The following JAM3 variants were observed in gnomAD, a reference collection of about 807,000 sequenced individuals.
JAM3 encodes junctional adhesion molecule C.
In JAM3, 31 loss-of-function variants were observed where a neutral mutation model predicts 39.4. The observed-to-expected ratio is 0.79, with a 90% CI of 0.59 to 1.06. The LOEUF is 1.06. Among genes scored for constraint, JAM3 ranks in the 50% least tolerant of loss-of-function variants. The pLI, the probability that JAM3 is intolerant of heterozygous loss-of-function variation, is 0.00. For missense variants in JAM3, 455 were observed against 391.4 expected, an observed-to-expected ratio of 1.16 and a Z score of -1.37; for synonymous variants, 182 against 148.7, an observed-to-expected ratio of 1.22 and a Z score of -1.63.
intron 1 of JAM3, among the ~76,000 whole-genome samples, chr11:134,126,829 C>A (rs753646622): frequency 3.9e-5 from 6 of 152,204 alleles, no homozygotes; most frequent in Non-Finnish European, 8.8e-5. Context: ...CACTCTAAAT[C>A]CCACTGATTA....
chr11:134,117,627 C>G (rs1239349686), intron 1 of JAM3, among the ~76,000 whole-genome samples: 1 of 152,170 alleles, frequency 6.6e-6, no homozygotes, highest in African/African-American at 2.4e-5. Flanking sequence ...ACATGTTAAA[C>G]CTAAAGCCCA....
In JAM3 at chr11:134,103,232, T is replaced by G. The variant is rs535941388; in HGVS notation, c.76+34073T>G. On this transcript the variant is annotated intron_variant, in intron 1 of 8. Transcript: ENST00000299106. ...TCAACATTCTTAAAGAAAAGAATTT[T>G]CAACCCAGAATTTCATATCCAGCCA... 2.0e-5 allele frequency among the ~76,000 whole-genome samples: 3 copies of G among 152,282 alleles called. No individual in the cohort carries two copies. In the South Asian group the frequency reaches 6.2e-4, roughly 32 times the overall value.
Position 134,150,828 on chromosome 11 carries a change from T to G in JAM3, c.*1647T>G, listed in dbSNP as rs1437574124. ...CATTTCAAAACAAACCATGATGGAGTGGCGGCCAGTCCAGCCTTTTAAAGA... is the reference window on the plus strand; with the variant it reads ...CATTTCAAAACAAACCATGATGGAGGGGCGGCCAGTCCAGCCTTTTAAAGA... On this transcript the variant is annotated 3_prime_UTR_variant, in exon 9 of 9. Transcript: ENST00000299106. The G allele has an allele frequency of 6.6e-6, 1 of 151,636 alleles. No homozygotes were observed. Among genetic ancestry groups the G allele is most frequent in the Non-Finnish European group, 1.5e-5 (1 of 67,890 alleles). The allele number at this position is 151,636 out of a possible 1,614,324, so 9.4% of individuals were successfully genotyped here. A position where few individuals can be genotyped will look rare whatever the true frequency, so the allele number is the denominator to read the frequency against.
chr11:134,121,109 A>G (rs748590577), intron 1 of JAM3, among the ~76,000 whole-genome samples: 2 of 152,210 alleles, frequency 1.3e-5, no homozygotes, highest in African/African-American at 4.8e-5. Flanking sequence ...GGGACAGTGC[A>G]GATCCAGACC....
intron 1 of JAM3, among the ~76,000 whole-genome samples, chr11:134,115,714 T>G (rs1403642147): frequency 1.3e-5 from 2 of 151,488 alleles, no homozygotes; most frequent in Non-Finnish European, 2.9e-5. Context: ...CCAGCCTGGG[T>G]AACATGTGAG....
At chr11:134,105,252 C>A (rs962819055) in intron 1 of JAM3, among the ~76,000 whole-genome samples, 2 of 152,150 alleles carry the variant, frequency 1.3e-5, no homozygotes, top group African/African-American at 2.4e-5. Flanking sequence ...AAGACAAAAA[C>A]CACATGATTA....
At chr11:134,117,551 C>G (rs1450157283) in intron 1 of JAM3, among the ~76,000 whole-genome samples, 1 of 152,158 alleles carries the variant, frequency 6.6e-6, no homozygotes, top group Non-Finnish European at 1.5e-5. Context: ...ACCACCACCC[C>G]TTCCACTTTC....
At chr11:134,125,425 A>C (rs1031622725) in intron 1 of JAM3, among the ~76,000 whole-genome samples, 1 of 152,136 alleles carries the variant, frequency 6.6e-6, no homozygotes, top group Admixed American at 6.6e-5. Flanking sequence ...TTTCGTACAG[A>C]TCCTCTTCCC....
Position 134,140,749 on chromosome 11 carries a change from T to A in JAM3, c.235T>A (p.Phe79Ile). The part of the protein sequence containing the change: ...KIQDEQTTYV[F>I]FDNKIQGDLA... ...TCAAGATGAACAAACCACATATGTG[T>A]TTTTTGACAACAAAATTCAGGGTAT... is the stretch of plus-strand genomic sequence containing the variant. The change falls in exon 3 of 9, where the codon TTT becomes ATT. Residue 79 changes from phenylalanine (F) to isoleucine (I), a missense_variant. Phe to Ile is a conservative substitution (Grantham distance 21, BLOSUM62 0). Transcript: ENST00000299106. The A allele has an allele frequency of 6.2e-7, 1 of 1,613,384 alleles. No homozygotes were observed. The highest frequency in any genetic ancestry group is 1.1e-5 in the South Asian group (1 of 91,060).
At position 134,113,393 on chromosome 11, in the gene JAM3, C is replaced by T. The variant is rs570387666; in HGVS notation, c.77-26458C>T. Among the ~76,000 whole-genome samples, 192 of 152,232 alleles carry T rather than the reference C, an allele frequency of 1.3e-3. 2 individuals are homozygous for T. Among genetic ancestry groups the T allele is most frequent in the African/African-American group, 4.4e-3 (182 of 41,542 alleles). On this transcript the variant is annotated intron_variant, in intron 1 of 8. Transcript: ENST00000299106. The stretch of plus-strand genomic sequence containing the variant: ...GTGTGTGATGTTCCCCTTCCTGTGT[C>T]CAAGTGTTCTCATTGTTCAATTCCC...
In JAM3 at chr11:134,148,823, T is replaced by A. The variant is rs553013113; in HGVS notation, c.897+5T>A. 6.2e-7 allele frequency: 1 copy of A among 1,613,948 alleles called. No homozygotes were observed. Among genetic ancestry groups the A allele is most frequent in the Admixed American group, 1.7e-5 (1 of 60,022 alleles). On this transcript the variant is annotated splice_donor_5th_base_variant and intron_variant, in intron 8 of 8. Coordinates refer to ENST00000299106, the MANE Select transcript of JAM3 (RefSeq NM_032801.5). ...TACATCCGCACTGACGAGGAGGTAA[T>A]CATTTAGTAAACCTGGAAACCTAGG...
In JAM3 at chr11:134,146,046, G is replaced by A; in HGVS notation, c.712+1G>A. ...TGTGAGGAGCAGGAGATGGAAGTCT[G>A]TGAGTTTCTTTTTTGAAGAGGTTTC... On this transcript the variant is annotated splice_donor_variant, in intron 6 of 8. Coordinates refer to ENST00000299106, the MANE Select transcript of JAM3 (RefSeq NM_032801.5). LOFTEE classifies it high-confidence loss of function. 6.2e-7 allele frequency: 1 copy of A among 1,607,908 alleles called. No homozygotes were observed. Among genetic ancestry groups the A allele is most frequent in the Non-Finnish European group, 8.5e-7 (1 of 1,174,258 alleles).
At chr11:134,096,483 C>T (rs1941986219) in intron 1 of JAM3, among the ~76,000 whole-genome samples, 1 of 152,146 alleles carries the variant, frequency 6.6e-6, no homozygotes, top group Non-Finnish European at 1.5e-5. Context: ...ACTTCATAGC[C>T]AGTACATAGT....
intron 1 of JAM3, among the ~76,000 whole-genome samples, chr11:134,122,844 GA>G (rs760943427): frequency 3.9e-5 from 6 of 152,220 alleles, no homozygotes; most frequent in African/African-American, 1.4e-4. Flanking sequence ...ATACTAGACA[GA>G]AAATCAGAGT....
rs148845627 is a variant in JAM3 at position 134,082,006 on chromosome 11, C to A, written c.76+12847C>A. On this transcript the variant is annotated intron_variant, in intron 1 of 8. Transcript: ENST00000299106. ...ATCATTTTGGAGCTTTAAGATTTGA[C>A]TGCCTTGTTGGATTTCAGACTTGCA... Among the ~76,000 whole-genome samples, 421 of 152,372 alleles carry A rather than the reference C, an allele frequency of 2.8e-3. 2 individuals carry two copies. The highest frequency in any genetic ancestry group is 9.4e-3 in the African/African-American group (391 of 41,588).
intron 1 of JAM3, among the ~76,000 whole-genome samples, chr11:134,109,025 C>T (rs1187654659): frequency 6.6e-6 from 1 of 152,116 alleles, no homozygotes; most frequent in East Asian, 1.9e-4. Flanking sequence ...GGCACAATCT[C>T]AGCTCACTGC....
At chr11:134,069,772 C>T (rs2120548206) in intron 1 of JAM3, among the ~76,000 whole-genome samples, 1 of 152,328 alleles carries the variant, frequency 6.6e-6, no homozygotes, top group East Asian at 1.9e-4. Context: ...CGAGGCAGAG[C>T]TCCGAGGCCT....
Position 134,069,126 on chromosome 11 carries a change from C to T in JAM3, c.43C>T (p.Leu15=), listed in dbSNP as rs140175256. The change falls in exon 1 of 9, where the codon CTG becomes TTG. Residue 15 remains leucine, a synonymous_variant. Transcript: ENST00000299106. The stretch of plus-strand genomic sequence containing the variant: ...ACCGCGACTCCGGCTCTGCGCTCGG[C>T]TGCCTGACTTCTTCCTGCTGCTGCT... ...RPPRLRLCAR[L]PDFFLLLLFR... 3 of 1,612,838 alleles carry T rather than the reference C, an allele frequency of 1.9e-6. No homozygotes were observed. The highest frequency in any genetic ancestry group is 2.5e-6 in the Non-Finnish European group (3 of 1,179,412).
In JAM3 at chr11:134,123,388, C is replaced by G. The variant is rs756345761; in HGVS notation, c.77-16463C>G. ...AAAAATACACCACCACCCCCCCCCC[C>G]CCAAAAAAGGGAAAAAGATCCCACC... On this transcript the variant is annotated intron_variant, in intron 1 of 8. Transcript: ENST00000299106. Among the ~76,000 whole-genome samples the G allele has an allele frequency of 1.2e-3, 177 of 152,076 alleles. 1 individual carries two copies. The highest frequency in any genetic ancestry group is 1.9e-3 in the Non-Finnish European group (126 of 67,990).
Sources: allele counts gnomAD v4.1 joint callset (sites outside exome capture counted in the v4.1 genomes callset), GRCh38; gene constraint gnomAD v4.1.1; transcripts MANE v1.5; gene names NCBI Gene and HGNC (gene_info 2026-07-23, HGNC 2026-07-21).